DNAH1: variants seen among roughly 807,000 people sequenced by gnomAD.
The protein encoded by DNAH1 is dynein axonemal heavy chain 1, also known as axonemal beta dynein heavy chain 1.
DNAH1 carries 327 observed loss-of-function variants against 484.3 expected under a neutral mutation model. That is an observed-to-expected ratio of 0.68 (90% CI 0.62 to 0.74). The LOEUF (loss-of-function observed/expected upper bound fraction) is 0.74, where lower values mean the gene tolerates loss of function less well. Ranked by LOEUF, DNAH1 falls within the 30% of genes least tolerant of loss-of-function variation. The pLI, the probability that DNAH1 is intolerant of heterozygous loss-of-function variation, is 0.00. For missense variants in DNAH1, 5,052 were observed against 5,546.8 expected, an observed-to-expected ratio of 0.91 and a Z score of 2.83; for synonymous variants, 2,192 against 2,191.9, an observed-to-expected ratio of 1.00 and a Z score of 0.00.
intron 21 of DNAH1, among the ~76,000 whole-genome samples, chr3:52,356,083 T>C (rs1702597856): frequency 6.6e-6 from 1 of 152,170 alleles, no homozygotes; most frequent in Non-Finnish European, 1.5e-5. Context: ...TTTGCGCTGA[T>C]GGGAGAAGAC....
intron 44 of DNAH1, among the ~76,000 whole-genome samples, 196 bp from the exon 45 acceptor site, chr3:52,375,042 TAA>T (rs36095568): frequency 7.5e-4 from 109 of 145,096 alleles, no homozygotes; most frequent in Admixed American, 1.2e-3. Flanking sequence ...TTGAACTTTG[TAA>T]AAAAAAAAAA....
Position 52,395,641 on chromosome 3 carries a change from C to T in DNAH1, c.11222C>T (p.Ala3741Val). Residue 3741 changes from alanine to valine, a missense_variant, in exon 70 of 78, where the codon GCC becomes GTC. Coordinates refer to ENST00000420323, the MANE Select transcript of DNAH1 (RefSeq NM_015512.5). The surrounding 1 kb of genome is among the most constrained non-coding windows in gnomAD (Gnocchi z 4.4). ...NCHLAPSWMP[A>V]LERLIEHINP... Reference sequence around the variant, plus strand: ...CACCTGGCACCAAGCTGGATGCCAGCCCTAGAACGCCTCATCGAGCACATC... The same window carrying T: ...CACCTGGCACCAAGCTGGATGCCAGTCCTAGAACGCCTCATCGAGCACATC... The T allele has an allele frequency of 1.2e-6, 2 of 1,613,878 alleles. No homozygotes were observed. Among genetic ancestry groups the T allele is most frequent in the South Asian group, 2.2e-5 (2 of 91,086 alleles).
At chr3:52,374,115 T>A (rs1480817702) in intron 44 of DNAH1, 5 of 1,152,996 alleles carry the variant, frequency 4.3e-6, no homozygotes, top group Non-Finnish European at 6.6e-6. Context: ...AAAACCACCC[T>A]TCACAGAATC....
intron 9 of DNAH1, 71 bp downstream of exon 9, chr3:52,344,718 C>A (rs1702077296): frequency 6.7e-7 from 1 of 1,498,942 alleles, no homozygotes; most frequent in African/African-American, 1.4e-5. Context: ...ACCTTCCCCT[C>A]CAGGATTGTC....
At chr3:52,374,763 C>G in intron 44 of DNAH1, 1 of 1,152,222 alleles carries the variant, frequency 8.7e-7, no homozygotes, top group Non-Finnish European at 1.3e-6. Flanking sequence ...AGAGATGGAA[C>G]AAAAGCTGTT....
At chr3:52,340,893 G>A (rs1402656156) in intron 8 of DNAH1, among the ~76,000 whole-genome samples, 7 of 151,414 alleles carry the variant, frequency 4.6e-5, no homozygotes, top group African/African-American at 1.7e-4. Context: ...ATAATTTGAA[G>A]TCTAGGCATT....
chr3:52,361,732 A>G lies in DNAH1; in HGVS notation c.4946A>G (p.Gln1649Arg). 6.2e-7 allele frequency: 1 copy of G among 1,610,862 alleles called. No homozygotes were observed. Among genetic ancestry groups the G allele is most frequent in the African/African-American group, 1.3e-5 (1 of 75,022 alleles). Residue 1649 changes from glutamine (Q) to arginine (R), a missense_variant, in exon 30 of 78, where the codon CAG becomes CGG. By Grantham distance (43) the Gln-to-Arg change is conservative. Around this residue, in one of 4 missense-constraint regions of DNAH1, gnomAD observed 2,929 missense variants for 3,409.4 expected, o/e 0.86. Coordinates refer to ENST00000420323, the MANE Select transcript of DNAH1 (RefSeq NM_015512.5). This position sits in a 1 kb window ranked among gnomAD's most constrained non-coding sequence, Gnocchi z 5.6. ...GAGGTGCTGTCTGTGGTGGCGCAGC[A>G]GATCACCACCATCCAGAAGGCGCAG... ...DIEVLSVVAQQITTIQKAQQQ... is the reference protein window; with the variant it reads ...DIEVLSVVAQRITTIQKAQQQ...
intron 16 of DNAH1, 116 bp downstream of exon 16, chr3:52,350,706 C>T (rs1702340264): frequency 3.1e-6 from 3 of 977,982 alleles, no homozygotes; most frequent in Admixed American, 4.0e-5. Flanking sequence ...TCCCCAGAAA[C>T]ACCCCACTGA....
intron 56 of DNAH1, among the ~76,000 whole-genome samples, chr3:52,387,142 C>G (rs1305561440): frequency 1.3e-5 from 2 of 152,156 alleles, no homozygotes; most frequent in Non-Finnish European, 2.9e-5. Context: ...CTCCTGTGCC[C>G]CATAGGAAGT....
At chr3:52,346,835 G>T in intron 11 of DNAH1, 65 bp downstream of exon 11, 1 of 1,518,738 alleles carries the variant, frequency 6.6e-7, no homozygotes, top group African/African-American at 1.4e-5. Context: ...TGGGGATGGA[G>T]CAGGGTCAGG....
At chr3:52,394,787 T>C in intron 67 of DNAH1, 126 bp downstream of exon 67, 1 of 1,488,600 alleles carries the variant, frequency 6.7e-7, no homozygotes. Flanking sequence ...CCACATCTCC[T>C]CTGTGCCTCC....
chr3:52,312,562 C>T (rs1700816260), upstream of DNAH1, among the ~76,000 whole-genome samples: 1 of 151,830 alleles, frequency 6.6e-6, no homozygotes, highest in African/African-American at 2.4e-5. Context: ...CCTCTGTCTC[C>T]TGGGTTCAGG....
rs369033532 is a variant in DNAH1 at position 52,394,608 on chromosome 3, C to T, written c.10770C>T (p.Phe3590=). ...CCTTTTCCTCCTTCTCTTCCGACTTCGTGAAGCACCTCTCAGAATTCCGGG... is the reference window on the plus strand; with the variant it reads ...CCTTTTCCTCCTTCTCTTCCGACTTTGTGAAGCACCTCTCAGAATTCCGGG... ...LPTFSSFSSD[F]VKHLSEFRVI... is the part of the protein sequence containing the mutation. Residue 3590 remains phenylalanine (F), a synonymous_variant, in exon 67 of 78, where the codon TTC becomes TTT. Coordinates refer to ENST00000420323, the MANE Select transcript of DNAH1 (RefSeq NM_015512.5). 100 of 1,602,252 alleles carry T rather than the reference C, an allele frequency of 6.2e-5. No individual in the cohort carries two copies. In the East Asian group the frequency reaches 1.8e-3, roughly 29 times the overall value.
chr3:52,392,629 A>T lies in DNAH1; in HGVS notation c.10218A>T (p.Val3406=). Residue 3406 remains valine (V), a synonymous_variant, in exon 64 of 78, where the codon GTA becomes GTT. Transcript: ENST00000420323. ...YRLSSSEGNP[V]DDMELIKVLE... ...TCAGCTCCTCCGAGGGCAACCCTGT[A>T]GATGACATGGAACTCATCAAGGTGC... 1 of 1,613,070 alleles carries T rather than the reference A, an allele frequency of 6.2e-7. No individual in the cohort carries two copies. The highest frequency in any genetic ancestry group is 8.5e-7 in the Non-Finnish European group (1 of 1,179,530).
Position 52,388,558 on chromosome 3 carries a change from G to T in DNAH1, c.9312G>T (p.Glu3104Asp), listed in dbSNP as rs772549422. 4 of 1,612,964 alleles carry T rather than the reference G, an allele frequency of 2.5e-6. No individual in the cohort carries two copies. The Admixed American group carries it at 6.7e-5, about 27-fold the overall frequency. ...KYRECITKKE[E>D]LELKCEQCEQ... ...GGGAATGCATTACCAAGAAGGAGGA[G>T]CTGGAGCTGAAGTGTGAGCAGTGTG... Residue 3104 changes from glutamate (E) to aspartate (D), a missense_variant, in exon 58 of 78, where the codon GAG becomes GAT. Glu to Asp is a conservative substitution (Grantham distance 45). Transcript: ENST00000420323.
chr3:52,383,917 C>T lies in DNAH1; in HGVS notation c.8208C>T (p.Cys2736=). ...RLRQFPSLVN[C]CTIDWFNEWP... ...GGCAGTTTCCCTCCCTGGTCAACTG[C>T]TGTACCATCGACTGGTTTAACGAGT... Residue 2736 remains cysteine, a synonymous_variant, in exon 52 of 78, where the codon TGC becomes TGT. Coordinates refer to ENST00000420323, the MANE Select transcript of DNAH1 (RefSeq NM_015512.5). The T allele has an allele frequency of 6.2e-7, 1 of 1,613,534 alleles. No homozygotes were observed. Among genetic ancestry groups the T allele is most frequent in the Non-Finnish European group, 8.5e-7 (1 of 1,179,630 alleles).
intron 34 of DNAH1, among the ~76,000 whole-genome samples, chr3:52,365,279 C>A (rs541765281): frequency 6.6e-6 from 1 of 152,184 alleles, no homozygotes. Context: ...CTGAGAGCCC[C>A]GAGCTCCTCT....
intron 8 of DNAH1, among the ~76,000 whole-genome samples, chr3:52,339,442 C>G (rs1253304580): frequency 1.3e-5 from 2 of 151,896 alleles, no homozygotes; most frequent in Non-Finnish European, 2.9e-5. Context: ...CGACATTTGT[C>G]CATTTATATG....
At position 52,391,547 on chromosome 3, in the gene DNAH1, C is replaced by T. The variant is rs1208628857; in HGVS notation, c.9996C>T (p.His3332=). 1 of 1,504,680 alleles carries T rather than the reference C, an allele frequency of 6.6e-7. No homozygotes were observed. The highest frequency in any genetic ancestry group is 1.7e-5 in the African/African-American group (1 of 58,664). The allele number at this position is 1,504,680 out of a possible 1,614,324, so 93.2% of individuals were successfully genotyped here. ...MYITTKLPNP[H]YTPEISTKLT... is the part of the protein sequence containing the mutation. Reference sequence around the variant, plus strand: ...TCACCACCAAGCTGCCCAACCCACACTACACGCCCGAGATCTCCACCAAAC... The same window carrying T: ...TCACCACCAAGCTGCCCAACCCACATTACACGCCCGAGATCTCCACCAAAC... Residue 3332 remains histidine, a synonymous_variant, in exon 63 of 78, where the codon CAC becomes CAT. Coordinates refer to ENST00000420323, the MANE Select transcript of DNAH1 (RefSeq NM_015512.5).
Sources: gnomAD v4.1 joint callset for allele counts (sites outside exome capture counted in the v4.1 genomes callset) on GRCh38, gnomAD v4.1.1 for gene constraint, gnomAD v4.1.1 regional missense constraint, Gnocchi (gnomAD v3.1) non-coding constraint, MANE v1.5 for transcripts, NCBI Gene and HGNC (gene_info 2026-07-23, HGNC 2026-07-21) for gene names.